The following NDUFS4 variants were observed in gnomAD, a reference collection of about 807,000 sequenced individuals.
The protein encoded by NDUFS4 is NADH dehydrogenase [ubiquinone] iron-sulfur protein 4, mitochondrial.
Under a neutral mutation model 24.3 loss-of-function variants are expected in NDUFS4, and 28 were observed. The ratio of observed to expected loss-of-function variants is 1.15; its 90% CI spans 0.85 to 1.58. NDUFS4 has a LOEUF of 1.58. Among genes scored for constraint, NDUFS4 ranks in the 40% most tolerant of loss-of-function variants. NDUFS4 has a pLI of 0.00. For missense variants in NDUFS4, 223 were observed against 207.9 expected (o/e 1.07, Z -0.45); for synonymous variants, 93 against 69.7 (o/e 1.34, Z -1.67).
intron 4 of NDUFS4, among the ~76,000 whole-genome samples, chr5:53,674,202 T>G (rs72753677): frequency 0.093 from 14,174 of 152,274 alleles, 786 homozygotes; most frequent in Middle Eastern, 0.13. Flanking sequence ...TGTGGAAATA[T>G]GACTGGATAA....
intron 1 of NDUFS4, among the ~76,000 whole-genome samples, chr5:53,582,381 A>G (rs1447934167): frequency 6.6e-6 from 1 of 152,198 alleles, no homozygotes; most frequent in Admixed American, 6.5e-5. Flanking sequence ...AGCACAGGAC[A>G]GGAACCAGCC....
At chr5:53,562,260 T>G (rs1283964370) in intron 1 of NDUFS4, among the ~76,000 whole-genome samples, 1 of 152,110 alleles carries the variant, frequency 6.6e-6, no homozygotes, top group African/African-American at 2.4e-5. Context: ...ACTGGTTAAC[T>G]TAGAGTTAAT....
chr5:53,572,666 C>T (rs551465396), intron 1 of NDUFS4, among the ~76,000 whole-genome samples: 143 of 146,174 alleles, frequency 9.8e-4, no homozygotes, highest in African/African-American at 3.3e-3. Flanking sequence ...TTTTTTTTGG[C>T]GGAGTCTCGC....
chr5:53,635,348 C>CAA (rs5867886), intron 2 of NDUFS4, among the ~76,000 whole-genome samples: 23 of 136,412 alleles, frequency 1.7e-4, no homozygotes, highest in Admixed American at 2.2e-4. Flanking sequence ...CCCATCTCTA[C>CAA]AAAAAAAAAA....
chr5:53,646,557 T>G (rs1751872049), intron 3 of NDUFS4, 152 bp downstream of exon 3: 1 of 746,126 alleles, frequency 1.3e-6, no homozygotes, highest in East Asian at 2.8e-5. Flanking sequence ...AAGATACACA[T>G]TATATATTTA....
At chr5:53,683,019 ATTAAG>A (rs202026757) in intron 4 of NDUFS4, 94 bp from the exon 5 acceptor site, 120 of 823,928 alleles carry the variant, frequency 1.5e-4, no homozygotes, top group Non-Finnish European at 2.2e-4. Context: ...ATAAATGAAC[ATTAAG>A]TTAAGTTATA....
intron 1 of NDUFS4, among the ~76,000 whole-genome samples, chr5:53,591,556 G>A (rs373752726): frequency 6.8e-6 from 1 of 148,146 alleles, no homozygotes. Context: ...GCATGTTTTT[G>A]TGTGGACATA....
intron 1 of NDUFS4, among the ~76,000 whole-genome samples, chr5:53,575,780 G>T (rs1037876752): frequency 6.6e-6 from 1 of 152,020 alleles, no homozygotes; most frequent in Non-Finnish European, 1.5e-5. Context: ...GGCCTGAAGT[G>T]ATCTGCCTGC....
intron 1 of NDUFS4, among the ~76,000 whole-genome samples, chr5:53,590,095 G>A (rs1749894648): frequency 6.6e-6 from 1 of 152,128 alleles, no homozygotes; most frequent in Non-Finnish European, 1.5e-5. Flanking sequence ...AGAGAATTAC[G>A]CATGATTGAT....
At chr5:53,568,241 T>C (rs2112410208) in intron 1 of NDUFS4, among the ~76,000 whole-genome samples, 1 of 152,290 alleles carries the variant, frequency 6.6e-6, no homozygotes, top group East Asian at 1.9e-4. Flanking sequence ...CACTGGTTTT[T>C]AAACCCTTGT....
At chr5:53,573,549 G>A (rs1749285342) in intron 1 of NDUFS4, 1 of 450,122 alleles carries the variant, frequency 2.2e-6, no homozygotes, top group Non-Finnish European at 4.4e-6. Flanking sequence ...CAATTTGGGG[G>A]AGCTGTGGTA....
intron 4 of NDUFS4, among the ~76,000 whole-genome samples, chr5:53,665,133 C>T (rs1020023303): frequency 2.6e-5 from 4 of 152,180 alleles, no homozygotes; most frequent in Admixed American, 6.5e-5. Flanking sequence ...GCGGAGGCTG[C>T]AGAACCGCGG....
chr5:53,662,591 T>C (rs1752377734), intron 4 of NDUFS4, among the ~76,000 whole-genome samples: 2 of 152,170 alleles, frequency 1.3e-5, no homozygotes, highest in East Asian at 3.9e-4. Flanking sequence ...TCCTTGTACC[T>C]CTGGTAGAAT....
intron 1 of NDUFS4, among the ~76,000 whole-genome samples, chr5:53,581,983 A>G (rs1037288947): frequency 6.6e-5 from 10 of 152,092 alleles, no homozygotes; most frequent in Non-Finnish European, 1.2e-4. Flanking sequence ...AGGCCGAGGC[A>G]GGTGGATCAT....
At chr5:53,681,665 T>C (rs1278390826) in intron 4 of NDUFS4, among the ~76,000 whole-genome samples, 1 of 152,130 alleles carries the variant, frequency 6.6e-6, no homozygotes, top group Non-Finnish European at 1.5e-5. Flanking sequence ...TAAATTAATA[T>C]TTTCTCTCCT....
In NDUFS4 at chr5:53,683,289, A is replaced by ATT; in HGVS notation, c.*69_*70insTT. ...GCTGTGCAGTATTTATAGTCCATGTATAATAAATACATCTCTTAATCTCCT... is the reference window on the plus strand; with the variant it reads ...GCTGTGCAGTATTTATAGTCCATGTATTTAATAAATACATCTCTTAATCTCCT... On this transcript the variant is annotated 3_prime_UTR_variant, in exon 5 of 5. Transcript: ENST00000296684. 1 of 1,087,240 alleles carries ATT rather than the reference A, an allele frequency of 9.2e-7. No individual in the cohort carries two copies. The highest frequency in any genetic ancestry group is 1.4e-6 in the Non-Finnish European group (1 of 702,204). The allele number at this position is 1,087,240 out of a possible 1,614,324, so 67.3% of individuals were successfully genotyped here.
intron 2 of NDUFS4, among the ~76,000 whole-genome samples, chr5:53,611,222 G>A (rs1264028528): frequency 6.7e-6 from 1 of 149,236 alleles, no homozygotes; most frequent in African/African-American, 2.5e-5. Flanking sequence ...TTTTTTTCTG[G>A]GCATCAATTA....
chr5:53,606,140 C>T (rs1049251326), intron 2 of NDUFS4, among the ~76,000 whole-genome samples: 6 of 151,930 alleles, frequency 3.9e-5, no homozygotes, highest in Admixed American at 6.6e-5. Context: ...GTGGAGATGG[C>T]GCCACTGCAC....
rs540030836 is a variant in NDUFS4 at position 53,600,020 on chromosome 5, C to A, written c.99-3432C>A. ...TTTATTTTATTATTATTTTTTGAGACGGAGTTTCATTCTTTGTTGCCCAGG... is the reference window on the plus strand; with the variant it reads ...TTTATTTTATTATTATTTTTTGAGAAGGAGTTTCATTCTTTGTTGCCCAGG... On this transcript the variant is annotated intron_variant, in intron 1 of 4. Coordinates refer to ENST00000296684, the MANE Select transcript of NDUFS4 (RefSeq NM_002495.4). Among the ~76,000 whole-genome samples, 14 of 151,932 alleles carry A rather than the reference C, an allele frequency of 9.2e-5. 1 individual carries two copies. The South Asian group carries it at 2.9e-3, about 32-fold the overall frequency.
Sources: gnomAD v4.1 joint callset for allele counts (sites outside exome capture counted in the v4.1 genomes callset) on GRCh38, gnomAD v4.1.1 for gene constraint, MANE v1.5 for transcripts, NCBI Gene and HGNC (gene_info 2026-07-23, HGNC 2026-07-21) for gene names.